Variants in PMFBP1 observed in about 807,000 individuals in gnomAD.
The protein encoded by PMFBP1 is polyamine modulated factor 1 binding protein 1, also known as polyamine-modulated factor 1-binding protein 1.
A neutral mutation model predicts 137.8 loss-of-function variants in PMFBP1; 131 were observed. That is an observed-to-expected ratio of 0.95 (90% CI 0.82 to 1.10). The LOEUF is 1.10. Ranked by LOEUF, PMFBP1 falls within the 50% of genes least tolerant of loss-of-function variation. The pLI is 0.00. For missense variants in PMFBP1, 1,199 were observed against 1,175.4 expected (o/e 1.02, Z -0.29); for synonymous variants, 490 against 450.4 (o/e 1.09, Z -1.11).
chr16:72,173,247 T>A (rs1331886980), upstream of PMFBP1, among the ~76,000 whole-genome samples: 1 of 152,208 alleles, frequency 6.6e-6, no homozygotes, highest in Admixed American at 6.5e-5. Flanking sequence ...ACACCTTTCT[T>A]TAGGAGGAAC....
intron 2 of PMFBP1, among the ~76,000 whole-genome samples, chr16:72,170,046 A>G (rs1383982843): frequency 6.6e-6 from 1 of 151,892 alleles, no homozygotes; most frequent in African/African-American, 2.4e-5. Context: ...TTTTTTCACT[A>G]TCATATCATT....
chr16:72,177,813 C>A (rs780413702), upstream of PMFBP1, among the ~76,000 whole-genome samples: 1 of 152,182 alleles, frequency 6.6e-6, no homozygotes, highest in Non-Finnish European at 1.5e-5. Context: ...CTCAGTCTTT[C>A]CTTGTCTTCC....
chr16:72,136,920 G>A (rs2042641543), intron 7 of PMFBP1, 101 bp from the exon 8 acceptor site: 1 of 1,506,266 alleles, frequency 6.6e-7, no homozygotes, highest in Non-Finnish European at 9.0e-7. Flanking sequence ...TAGGGACAAA[G>A]TAGCAGAGTA....
In PMFBP1 at chr16:72,129,219, G is replaced by A; in HGVS notation, c.1797C>T (p.Gly599=). ...CTTCTTCTAACTTGCATTTGATGGA[G>A]CCTTGCTCCCTGTGCTGAAAAAATA... ...DRIKHQHREQ[G]SIKCKLEEDL... Residue 599 remains glycine, a synonymous_variant, in exon 13 of 21, where the codon GGC becomes GGT. Coordinates refer to ENST00000237353, the MANE Select transcript of PMFBP1 (RefSeq NM_031293.3). 6.2e-7 allele frequency: 1 copy of A among 1,612,514 alleles called. No homozygotes were observed. The highest frequency in any genetic ancestry group is 8.5e-7 in the Non-Finnish European group (1 of 1,179,994).
At chr16:72,221,898 T>C in the PMFBP1 span, among the ~76,000 whole-genome samples, 7 of 152,222 alleles carry the variant, frequency 4.6e-5, no homozygotes, top group African/African-American at 1.2e-4. Context: ...TGTTCCTCTA[T>C]ATGAGGTGAA....
chr16:72,140,616 T>G (rs1384028137), intron 5 of PMFBP1, 34 bp from the exon 6 acceptor site: 1 of 1,585,102 alleles, frequency 6.3e-7, no homozygotes. Flanking sequence ...TTGATTTTGC[T>G]TATAGTTTGT....
intron 14 of PMFBP1, among the ~76,000 whole-genome samples, chr16:72,127,231 A>C (rs1451162045): frequency 6.6e-6 from 1 of 152,230 alleles, no homozygotes; most frequent in Non-Finnish European, 1.5e-5. Context: ...TTCAGATACA[A>C]TTTTGAGTAC....
chr16:72,137,552 G>C (rs2042651150), intron 7 of PMFBP1, among the ~76,000 whole-genome samples: 2 of 152,164 alleles, frequency 1.3e-5, no homozygotes, highest in Admixed American at 1.3e-4. Context: ...GCTTTCAGGC[G>C]GGGAGACCAG....
chr16:72,125,748 TTTGGTTTTGATCTTTGTCCTC>T (rs1297258270), intron 15 of PMFBP1, among the ~76,000 whole-genome samples, 199 bp downstream of exon 15: 2 of 152,042 alleles, frequency 1.3e-5, no homozygotes, highest in Non-Finnish European at 2.9e-5. Context: ...GCTTGCTAGA[TTTGGTTTTGATCTTTGTCCTC>T]TTCCTCCGCC....
the PMFBP1 span, among the ~76,000 whole-genome samples, chr16:72,183,567 C>G: frequency 5.9e-5 from 9 of 152,126 alleles, no homozygotes; most frequent in East Asian, 1.7e-3. Flanking sequence ...GATTAGGGGG[C>G]CACCCTATTC....
At position 72,163,929 on chromosome 16, in the gene PMFBP1, G is replaced by T. The variant is rs371841563; in HGVS notation, c.165+835C>A. Reference sequence around the variant, plus strand: ...ACTTTGGGGACTCTGTGGAAAGGGTGGGGGGGGTGAGGGATAAAAGACTAC... The same window carrying T: ...ACTTTGGGGACTCTGTGGAAAGGGTTGGGGGGGTGAGGGATAAAAGACTAC... On this transcript the variant is annotated intron_variant, in intron 3 of 20. Transcript: ENST00000237353. Among the ~76,000 whole-genome samples, 14 of 136,282 alleles carry T rather than the reference G, an allele frequency of 1.0e-4. No individual in the cohort carries two copies. In the South Asian group the frequency reaches 2.6e-3, roughly 25 times the overall value. The allele number at this position is 136,282 out of a possible 152,430, so 89.4% of individuals were successfully genotyped here. A position where few individuals can be genotyped will look rare whatever the true frequency, so the allele number is the denominator to read the frequency against.
At chr16:72,243,445 T>C in the PMFBP1 span, among the ~76,000 whole-genome samples, 1 of 152,196 alleles carries the variant, frequency 6.6e-6, no homozygotes, top group Admixed American at 6.5e-5. Flanking sequence ...TTAACTGTCA[T>C]TTGCAAATAG....
rs1239599149 is a variant in PMFBP1 at position 72,136,442 on chromosome 16, C to T, written c.1203+6G>A. On this transcript the variant is annotated splice_donor_region_variant and intron_variant, in intron 9 of 20. Coordinates refer to ENST00000237353, the MANE Select transcript of PMFBP1 (RefSeq NM_031293.3). ...TGGGAACCCCAACCAGAGTTCCTCA[C>T]TTTACCTTGTCTTTCTTCAAAGTGA... 6.2e-7 allele frequency: 1 copy of T among 1,612,518 alleles called. No homozygotes were observed. The highest frequency in any genetic ancestry group is 1.3e-5 in the African/African-American group (1 of 74,782).
Position 72,171,268 on chromosome 16 carries a change from C to T in PMFBP1, c.-60G>A. On this transcript the variant is annotated splice_region_variant and 5_prime_UTR_variant, in exon 2 of 21. Coordinates refer to ENST00000237353, the MANE Select transcript of PMFBP1 (RefSeq NM_031293.3). ...AGTATTTTCTGAGCTTTGTTATAAA[C>T]CTGAAAAAGTCCAAGTATTTAAGAT... The T allele has an allele frequency of 6.4e-7, 1 of 1,567,600 alleles. No homozygotes were observed. Among genetic ancestry groups the T allele is most frequent in the African/African-American group, 1.4e-5 (1 of 73,680 alleles).
chr16:72,241,446 T>C, the PMFBP1 span, among the ~76,000 whole-genome samples: 1 of 152,232 alleles, frequency 6.6e-6, no homozygotes, highest in Non-Finnish European at 1.5e-5. Context: ...ATTAAAAAAA[T>C]TTCAAAGCCA....
the PMFBP1 span, among the ~76,000 whole-genome samples, chr16:72,230,184 T>C: frequency 3.4e-4 from 52 of 152,280 alleles, no homozygotes; most frequent in Middle Eastern, 3.4e-3. Context: ...ACTAGGATAA[T>C]AGAGTTCCAA....
At chr16:72,226,166 C>A in the PMFBP1 span, among the ~76,000 whole-genome samples, 1 of 152,186 alleles carries the variant, frequency 6.6e-6, no homozygotes, top group Admixed American at 6.5e-5. Flanking sequence ...TCCAATCCAA[C>A]TGGCCCAGGC....
At chr16:72,212,499 A>G in the PMFBP1 span, among the ~76,000 whole-genome samples, 7 of 147,628 alleles carry the variant, frequency 4.7e-5, no homozygotes, top group African/African-American at 1.8e-4. Flanking sequence ...AAAAAAAAAA[A>G]GGAAGAAGAT....
At chr16:72,150,905 C>T (rs1246463953) in intron 4 of PMFBP1, 76 bp from the exon 5 acceptor site, 2 of 1,306,118 alleles carry the variant, frequency 1.5e-6, no homozygotes, top group Non-Finnish European at 2.2e-6. Context: ...GTAAGATTCC[C>T]TGCAGAGAAG....
Sources: allele counts gnomAD v4.1 joint callset (sites outside exome capture counted in the v4.1 genomes callset), GRCh38; gene constraint gnomAD v4.1.1; transcripts MANE v1.5; gene names NCBI Gene and HGNC (gene_info 2026-07-23, HGNC 2026-07-21).